Variants in TINAG observed in about 807,000 individuals in gnomAD.
TINAG encodes tubulointerstitial nephritis antigen.
TINAG carries 83 observed loss-of-function variants against 72.7 expected under a neutral mutation model. The ratio of observed to expected loss-of-function variants is 1.14; its 90% CI spans 0.96 to 1.37. TINAG has a LOEUF of 1.37. Ranked by LOEUF, TINAG falls within the 40% of genes most tolerant of loss-of-function variation. TINAG has a pLI of 0.00. For missense variants in TINAG, 685 were observed against 576.6 expected (o/e 1.19, Z -1.93); for synonymous variants, 234 against 189.9 (o/e 1.23, Z -1.91).
At chr6:54,347,603 CA>C in intron 6 of TINAG, 86 bp downstream of exon 6, 1 of 1,375,966 alleles carries the variant, frequency 7.3e-7, no homozygotes, top group Non-Finnish European at 9.8e-7. Flanking sequence ...AAGATTTTTA[CA>C]AAAAAGTACT....
At chr6:54,333,348 TC>T (rs1784787059) in intron 4 of TINAG, among the ~76,000 whole-genome samples, 1 of 152,072 alleles carries the variant, frequency 6.6e-6, no homozygotes, top group Non-Finnish European at 1.5e-5. Flanking sequence ...ACCATCATTC[TC>T]AGCAAACTAA....
At chr6:54,371,154 G>T (rs1039845657) in intron 9 of TINAG, among the ~76,000 whole-genome samples, 7 of 150,168 alleles carry the variant, frequency 4.7e-5, no homozygotes, top group African/African-American at 1.7e-4. Context: ...GAGAGAGAAA[G>T]AACTTTTTGA....
Position 54,356,888 on chromosome 6 carries a change from C to T in TINAG, c.1250+2252C>T, listed in dbSNP as rs144771743. Among the ~76,000 whole-genome samples the T allele has an allele frequency of 5.1e-3, 757 of 148,936 alleles. 2 individuals are homozygous for T. Among genetic ancestry groups the T allele is most frequent in the Non-Finnish European group, 8.4e-3 (565 of 67,276 alleles). On this transcript the variant is annotated intron_variant, in intron 9 of 10. Coordinates refer to ENST00000259782, the MANE Select transcript of TINAG (RefSeq NM_014464.4). The stretch of plus-strand genomic sequence containing the variant: ...TCTGTAATCATTTCTATTTCTACCA[C>T]CATACAAATAGTGTTGTTATCCCTC...
chr6:54,314,683 A>T (rs1256757741), intron 1 of TINAG, among the ~76,000 whole-genome samples: 1 of 152,166 alleles, frequency 6.6e-6, no homozygotes, highest in Admixed American at 6.6e-5. Context: ...TATTTTTTTG[A>T]GTCTCAGTTT....
At chr6:54,387,678 A>C (rs1764134117) in intron 10 of TINAG, among the ~76,000 whole-genome samples, 1 of 152,194 alleles carries the variant, frequency 6.6e-6, no homozygotes, top group Non-Finnish European at 1.5e-5. Flanking sequence ...TTGTATACTT[A>C]AGATTAATAC....
chr6:54,339,884 G>C (rs1320220528), intron 4 of TINAG, among the ~76,000 whole-genome samples: 1 of 152,042 alleles, frequency 6.6e-6, no homozygotes, highest in Non-Finnish European at 1.5e-5. Flanking sequence ...AGCTTAAATG[G>C]GTGGGGGGAA....
At chr6:54,353,862 C>T (rs967299388) in intron 8 of TINAG, among the ~76,000 whole-genome samples, 1 of 151,722 alleles carries the variant, frequency 6.6e-6, no homozygotes, top group Non-Finnish European at 1.5e-5. Flanking sequence ...AAAGGCTTCA[C>T]CCTGAATTGC....
At chr6:54,375,629 G>C (rs1763757017) in intron 9 of TINAG, among the ~76,000 whole-genome samples, 2 of 151,994 alleles carry the variant, frequency 1.3e-5, no homozygotes, top group East Asian at 3.9e-4. Context: ...TATTCCCTCT[G>C]CCAAGGTACT....
intron 4 of TINAG, among the ~76,000 whole-genome samples, chr6:54,335,047 T>C (rs1784828213): frequency 6.6e-6 from 1 of 152,204 alleles, no homozygotes. Flanking sequence ...TTATAAGGTT[T>C]GCTCTTTCAC....
At chr6:54,385,333 A>G (rs1298161873) in intron 10 of TINAG, among the ~76,000 whole-genome samples, 3 of 152,126 alleles carry the variant, frequency 2.0e-5, no homozygotes, top group Non-Finnish European at 4.4e-5. Context: ...GATTCAATAG[A>G]TATGAAGTAG....
chr6:54,385,688 A>G (rs1764077610), intron 10 of TINAG, among the ~76,000 whole-genome samples: 1 of 151,980 alleles, frequency 6.6e-6, no homozygotes, highest in South Asian at 2.1e-4. Flanking sequence ...GACAATACAA[A>G]AAAGAAAAAA....
intron 9 of TINAG, among the ~76,000 whole-genome samples, chr6:54,365,149 A>G (rs989434966): frequency 3.3e-5 from 5 of 151,564 alleles, no homozygotes; most frequent in African/African-American, 1.2e-4. Flanking sequence ...AAGACAGTTG[A>G]ATGAACATTT....
chr6:54,386,676 G>A (rs1468074670), intron 10 of TINAG, among the ~76,000 whole-genome samples: 2 of 151,532 alleles, frequency 1.3e-5, no homozygotes, highest in Non-Finnish European at 2.9e-5. Context: ...TTTGGTCCAC[G>A]AGCCATGGTT....
chr6:54,380,558 AAG>A lies in TINAG; in HGVS notation c.1285_1286del (p.Glu429LysfsTer27). On this transcript the variant is annotated frameshift_variant, in exon 10 of 11. Coordinates refer to ENST00000259782, the MANE Select transcript of TINAG (RefSeq NM_014464.4). LOFTEE classifies it high-confidence loss of function. ...ACACTGAGAGGAGCACAAGGGCAGA[AAG>A]AAAAATTTTGGGTATGTAACTCTTT... is the stretch of plus-strand genomic sequence containing the variant. 1 of 1,610,854 alleles carries A rather than the reference AAG, an allele frequency of 6.2e-7. No homozygotes were observed. The highest frequency in any genetic ancestry group is 8.5e-7 in the Non-Finnish European group (1 of 1,178,002).
chr6:54,347,654 C>T (rs1256768344), intron 6 of TINAG, 137 bp downstream of exon 6: 3 of 903,718 alleles, frequency 3.3e-6, no homozygotes, highest in Non-Finnish European at 4.8e-6. Context: ...TATAAATATG[C>T]TACATTTAAA....
At chr6:54,333,436 G>A (rs2150946950) in intron 4 of TINAG, among the ~76,000 whole-genome samples, 1 of 152,088 alleles carries the variant, frequency 6.6e-6, no homozygotes, top group South Asian at 2.1e-4. Context: ...ACGAGCACAG[G>A]GAGGGGAACA....
chr6:54,380,219 AT>A (rs1763904848), intron 9 of TINAG, among the ~76,000 whole-genome samples: 1 of 151,710 alleles, frequency 6.6e-6, no homozygotes, highest in Non-Finnish European at 1.5e-5. Context: ...GAGGATAAGT[AT>A]TTTTTAAGTC....
intron 9 of TINAG, among the ~76,000 whole-genome samples, chr6:54,378,546 C>T (rs1288346803): frequency 6.6e-6 from 1 of 151,964 alleles, no homozygotes; most frequent in African/African-American, 2.4e-5. Flanking sequence ...AAAATTGTAA[C>T]AAAATATGTA....
intron 4 of TINAG, among the ~76,000 whole-genome samples, chr6:54,328,555 G>A (rs1415456786): frequency 1.3e-5 from 2 of 152,046 alleles, no homozygotes; most frequent in East Asian, 1.9e-4. Context: ...AAACCAGAAT[G>A]CCTCTTCTTC....
Sources: gnomAD v4.1 joint callset for allele counts (sites outside exome capture counted in the v4.1 genomes callset) on GRCh38, gnomAD v4.1.1 for gene constraint, MANE v1.5 for transcripts, NCBI Gene and HGNC (gene_info 2026-07-23, HGNC 2026-07-21) for gene names.